Variants in AS3MT observed in about 807,000 individuals in gnomAD.
AS3MT encodes S-adenosyl-L-methionine:arsenic(III) methyltransferase.
AS3MT carries 47 observed loss-of-function variants against 45.3 expected under a neutral mutation model. That is an observed-to-expected ratio of 1.04 (90% confidence interval 0.82 to 1.32). The LOEUF (loss-of-function observed/expected upper bound fraction) is 1.32. AS3MT is among the 40% of genes most tolerant of loss of function. The probability of loss-of-function intolerance (pLI) is 0.00; values close to 1 mark genes in which losing one functional copy is unlikely to be tolerated. For synonymous variants in AS3MT, 141 were observed against 152.8 expected (o/e 0.92, Z 0.57); for missense variants, 396 against 451.1 (o/e 0.88, Z 1.11).
At chr10:102,887,591 T>C in intron 9 of AS3MT, among the ~76,000 whole-genome samples, 1 of 152,206 alleles carries the variant, frequency 6.6e-6, no homozygotes. Flanking sequence ...TTGACAGCCT[T>C]GATTCACAGT....
At chr10:102,869,972 C>T in intron 2 of AS3MT, 112 bp from the exon 3 acceptor site, 1 of 1,559,930 alleles carries the variant, frequency 6.4e-7, no homozygotes, top group Non-Finnish European at 8.7e-7. Context: ...TCGACCTTTC[C>T]AGGGAACTGA....
intron 5 of AS3MT, 116 bp from the exon 6 acceptor site, chr10:102,874,476 G>A (rs1844749747): frequency 5.8e-6 from 4 of 691,498 alleles, no homozygotes; most frequent in Admixed American, 2.3e-5. Flanking sequence ...GGAGGGAGGC[G>A]GTAAGAATGG....
intron 6 of AS3MT, among the ~76,000 whole-genome samples, 182 bp from the exon 7 acceptor site, chr10:102,876,772 A>C (rs1844790445): frequency 6.6e-6 from 1 of 152,220 alleles, no homozygotes; most frequent in Non-Finnish European, 1.5e-5. Context: ...GGAGGAAAAA[A>C]AACCTTGGCA....
intron 10 of AS3MT, among the ~76,000 whole-genome samples, chr10:102,899,956 C>T (rs1056340388): frequency 6.6e-5 from 10 of 152,146 alleles, no homozygotes; most frequent in Admixed American, 1.3e-4. Context: ...CGTGAGCCAC[C>T]GTGCCCAGAC....
chr10:102,880,402 G>C (rs1844854499), intron 9 of AS3MT, among the ~76,000 whole-genome samples: 1 of 152,072 alleles, frequency 6.6e-6, no homozygotes, highest in Non-Finnish European at 1.5e-5. Context: ...AGTGAAAGGA[G>C]AGATTATGGC....
Position 102,872,999 on chromosome 10 carries a change from T to C in AS3MT, c.322-98T>C. ...AATCTTGTATGTTTATCCAAAATAATCTAGGGGAAGTATATTCTGTTAGTG... is the reference window on the plus strand; with the variant it reads ...AATCTTGTATGTTTATCCAAAATAACCTAGGGGAAGTATATTCTGTTAGTG... On this transcript the variant is annotated intron_variant, in intron 4 of 10. Transcript: ENST00000369880. The C allele has an allele frequency of 3.0e-6, 3 of 1,013,616 alleles. No homozygotes were observed. The South Asian group carries it at 5.3e-5, about 18-fold the overall frequency. The allele number at this position is 1,013,616 out of a possible 1,614,324, so 62.8% of individuals were successfully genotyped here. A position where few individuals can be genotyped will look rare whatever the true frequency, so the allele number is the denominator to read the frequency against.
chr10:102,876,791 T>C (rs924274744), intron 6 of AS3MT, among the ~76,000 whole-genome samples, 163 bp from the exon 7 acceptor site: 2 of 152,200 alleles, frequency 1.3e-5, no homozygotes, highest in African/African-American at 4.8e-5. Context: ...CACTTGACTA[T>C]TGATTGTAAC....
chr10:102,870,290 A>T, intron 3 of AS3MT, 79 bp downstream of exon 3: 1 of 1,546,882 alleles, frequency 6.5e-7, no homozygotes, highest in Non-Finnish European at 8.9e-7. Context: ...TCACTAGGGA[A>T]TTAACCCGTA....
At chr10:102,870,345 A>G in intron 3 of AS3MT, 134 bp downstream of exon 3, 2 of 1,175,878 alleles carry the variant, frequency 1.7e-6, no homozygotes, top group Non-Finnish European at 2.4e-6. Flanking sequence ...AAAATCCTAA[A>G]TCTCAGCACC....
rs536318323 is a variant in AS3MT, at chr10:102,897,678, CTGG to C, written c.1021-2909_1021-2907del. 9.9e-5 allele frequency among the ~76,000 whole-genome samples: 15 copies of C among 152,216 alleles called. No individual in the cohort carries two copies. The South Asian group carries it at 3.1e-3, about 32-fold the overall frequency. On this transcript the variant is annotated intron_variant, in intron 10 of 10. Coordinates refer to ENST00000369880, the MANE Select transcript of AS3MT (RefSeq NM_020682.4). Reference sequence around the variant, plus strand: ...ACGGGGTTTCACCGGGTTGCCCAGGCTGGTGGTGAACTCCTGAGCTCAGGCAAT... The same window carrying C: ...ACGGGGTTTCACCGGGTTGCCCAGGCTGGTGAACTCCTGAGCTCAGGCAAT...
At chr10:102,900,488 A>C (rs992019693) in intron 10 of AS3MT, 105 bp from the exon 11 acceptor site, 4 of 746,154 alleles carry the variant, frequency 5.4e-6, no homozygotes, top group East Asian at 2.7e-5. Flanking sequence ...GTAAAATTTT[A>C]TCTCTGTTCT....
chr10:102,875,259 C>G (rs950861919), intron 6 of AS3MT, among the ~76,000 whole-genome samples: 6 of 151,988 alleles, frequency 3.9e-5, no homozygotes, highest in Non-Finnish European at 7.4e-5. Context: ...GGCAGATCAC[C>G]TGAGGTCAGG....
At chr10:102,889,914 G>A (rs912897586) in intron 9 of AS3MT, among the ~76,000 whole-genome samples, 12 of 151,992 alleles carry the variant, frequency 7.9e-5, no homozygotes, top group Non-Finnish European at 1.6e-4. Context: ...CTGACCTCAT[G>A]ATCCACCTGC....
chr10:102,895,922 C>T (rs960951026), intron 10 of AS3MT, among the ~76,000 whole-genome samples: 4 of 152,094 alleles, frequency 2.6e-5, no homozygotes, highest in African/African-American at 4.8e-5. Context: ...ATTACAGGTG[C>T]GCACCATCAC....
chr10:102,877,311 A>C (rs1844797612), intron 7 of AS3MT, among the ~76,000 whole-genome samples: 1 of 152,224 alleles, frequency 6.6e-6, no homozygotes, highest in African/African-American at 2.4e-5. Context: ...GAATGGGAAA[A>C]ATACTTTGAA....
Position 102,872,361 on chromosome 10 carries a change from G to A in AS3MT, c.171-87G>A, listed in dbSNP as rs888334052. ...AGGAAGGAAGGAAGGAACGGAGGGA[G>A]GGAGGGAGGAGGGAAGTATGTATAA... On this transcript the variant is annotated intron_variant, in intron 3 of 10. Coordinates refer to ENST00000369880, the MANE Select transcript of AS3MT (RefSeq NM_020682.4). The A allele has an allele frequency of 5.8e-6, 8 of 1,371,820 alleles. No individual in the cohort carries two copies. In the East Asian group the frequency reaches 1.8e-4, roughly 31 times the overall value. 85.0% of individuals were successfully genotyped at this position (1,371,820 alleles called of 1,614,324 possible).
chr10:102,874,496 G>A, intron 5 of AS3MT, 96 bp from the exon 6 acceptor site: 1 of 875,412 alleles, frequency 1.1e-6, no homozygotes, highest in Non-Finnish European at 1.9e-6. Flanking sequence ...GGGTAGCTTT[G>A]ACAGAACGGT....
intron 10 of AS3MT, among the ~76,000 whole-genome samples, chr10:102,896,638 T>C (rs944313139): frequency 6.6e-6 from 1 of 151,916 alleles, no homozygotes; most frequent in African/African-American, 2.4e-5. Context: ...AAACCCCGTC[T>C]CTACTAAAAA....
chr10:102,875,178 T>C (rs892289770), intron 6 of AS3MT, among the ~76,000 whole-genome samples: 3 of 152,210 alleles, frequency 2.0e-5, no homozygotes, highest in East Asian at 3.9e-4. Flanking sequence ...ATCTTCATGA[T>C]AGTAGATGAA....
Sources: gnomAD v4.1 joint callset for allele counts (sites outside exome capture counted in the v4.1 genomes callset) on GRCh38, gnomAD v4.1.1 for gene constraint, MANE v1.5 for transcripts, NCBI Gene and HGNC (gene_info 2026-07-23, HGNC 2026-07-21) for gene names.